KIF26B: variants seen among roughly 807,000 people sequenced by gnomAD.
KIF26B encodes the protein kinesin family member 26B, also known as kinesin-like protein KIF26B.
Under a neutral mutation model 151.2 loss-of-function variants are expected in KIF26B, and 63 were observed. The observed-to-expected ratio is 0.42, with a 90% CI of 0.34 to 0.51. The LOEUF is 0.51. KIF26B is among the 20% of genes least tolerant of loss of function. KIF26B has a pLI of 0.07. For missense variants in KIF26B, 2,813 were observed against 2,913.6 expected (o/e 0.97, Z 0.79); for synonymous variants, 1,357 against 1,262.1 (o/e 1.08, Z -1.59).
intron 5 of KIF26B, among the ~76,000 whole-genome samples, chr1:245,590,154 A>AGGGAGGCCTGCAAG: frequency 6.7e-6 from 1 of 149,508 alleles, no homozygotes; most frequent in East Asian, 2.0e-4. Context: ...CCAACGTGGC[A>AGGGAGGCCTGCAAG]GGGAGGCCTG....
intron 4 of KIF26B, among the ~76,000 whole-genome samples, chr1:245,433,513 G>T (rs572553955): frequency 6.6e-6 from 1 of 151,900 alleles, no homozygotes; most frequent in African/African-American, 2.4e-5. Flanking sequence ...AAGAAGTTAT[G>T]GGATTGTGCT....
Position 245,167,161 on chromosome 1 carries a change from G to T in KIF26B, c.465+10478G>T, listed in dbSNP as rs1271255007. On this transcript the variant is annotated intron_variant, in intron 2 of 14. Coordinates refer to ENST00000407071, the MANE Select transcript of KIF26B (RefSeq NM_018012.4). This position sits in a 1 kb window ranked among gnomAD's most constrained non-coding sequence, Gnocchi z 4.2. ...TTCTAAAATCTTTGATGGTTCTTAC[G>T]TGTAAACTTTCTTTTTATATAATTG... 6.6e-6 allele frequency among the ~76,000 whole-genome samples: 1 copy of T among 151,280 alleles called. No homozygotes were observed. Among genetic ancestry groups the T allele is most frequent in the Non-Finnish European group, 1.5e-5 (1 of 67,896 alleles).
chr1:245,690,281 C>G (rs1262439891), intron 12 of KIF26B, among the ~76,000 whole-genome samples: 1 of 152,222 alleles, frequency 6.6e-6, no homozygotes, highest in Non-Finnish European at 1.5e-5. Flanking sequence ...GCCTGTCTCT[C>G]CCCTCCCGCT....
In KIF26B at chr1:245,702,648, A is replaced by T; in HGVS notation, c.*42A>T. ...TCCTAGTGGTCCCCCGCTCCCCAGG[A>T]CTTCAGAGATGTTGCACGCCCCTAG... On this transcript the variant is annotated 3_prime_UTR_variant, in exon 15 of 15. Coordinates refer to ENST00000407071, the MANE Select transcript of KIF26B (RefSeq NM_018012.4). The surrounding 1 kb of genome is among the most constrained non-coding windows in gnomAD (Gnocchi z 4.1). The T allele has an allele frequency of 2.5e-6, 4 of 1,596,894 alleles. No homozygotes were observed. Among genetic ancestry groups the T allele is most frequent in the Non-Finnish European group, 3.4e-6 (4 of 1,170,402 alleles).
At chr1:245,348,769 C>G (rs1478678354) in intron 2 of KIF26B, among the ~76,000 whole-genome samples, 1 of 152,230 alleles carries the variant, frequency 6.6e-6, no homozygotes, top group Admixed American at 6.5e-5. Context: ...TCATCCCACT[C>G]CAGCCACGCC....
chr1:245,169,599 C>T (rs919763628), intron 2 of KIF26B, among the ~76,000 whole-genome samples: 7 of 33,152 alleles, frequency 2.1e-4, no homozygotes, highest in Non-Finnish European at 1.0e-3. Flanking sequence ...GATGGCTTTA[C>T]AAGCATTTTT....
intron 2 of KIF26B, among the ~76,000 whole-genome samples, chr1:245,255,111 G>GCCT (rs1558363638): frequency 6.6e-6 from 1 of 152,112 alleles, no homozygotes; most frequent in African/African-American, 2.4e-5. Flanking sequence ...GATGAGGTTA[G>GCCT]CCTCCTTCTC....
intron 3 of KIF26B, among the ~76,000 whole-genome samples, chr1:245,368,937 C>T (rs1673028088): frequency 6.6e-6 from 1 of 152,026 alleles, no homozygotes; most frequent in South Asian, 2.1e-4. Flanking sequence ...GAGTTGAAGA[C>T]CAGCCTGGGC....
At chr1:245,677,622 C>T (rs755041482) in intron 10 of KIF26B, among the ~76,000 whole-genome samples, 4 of 152,224 alleles carry the variant, frequency 2.6e-5, no homozygotes, top group Non-Finnish European at 5.9e-5. Flanking sequence ...CATTAGCATC[C>T]TTGAAGGGAA....
chr1:245,175,676 C>G (rs988031416), intron 2 of KIF26B, among the ~76,000 whole-genome samples: 2 of 152,060 alleles, frequency 1.3e-5, no homozygotes, highest in Admixed American at 1.3e-4. Flanking sequence ...TAAGTCCACA[C>G]ATGATTAAAA....
intron 2 of KIF26B, among the ~76,000 whole-genome samples, chr1:245,196,167 C>T (rs1250344784): frequency 6.6e-6 from 1 of 152,190 alleles, no homozygotes; most frequent in Non-Finnish European, 1.5e-5. Flanking sequence ...CCCCGTTTAA[C>T]AAGACCACTA....
chr1:245,639,163 C>T (rs1377703290), intron 9 of KIF26B, among the ~76,000 whole-genome samples: 1 of 151,666 alleles, frequency 6.6e-6, no homozygotes, highest in Non-Finnish European at 1.5e-5. Flanking sequence ...TTGTTATTGG[C>T]CTATTCAGGT....
chr1:245,527,924 T>C (rs753037797), intron 4 of KIF26B, among the ~76,000 whole-genome samples: 1 of 152,018 alleles, frequency 6.6e-6, no homozygotes, highest in Admixed American at 6.6e-5. Context: ...GTTTCCATAA[T>C]TGCATACTAG....
At chr1:245,596,018 T>C (rs951878208) in intron 5 of KIF26B, among the ~76,000 whole-genome samples, 2 of 152,232 alleles carry the variant, frequency 1.3e-5, no homozygotes, top group Admixed American at 6.5e-5. Flanking sequence ...ATCCCCTTTA[T>C]CATTTTTTAT....
chr1:245,628,765 A>G (rs906190373), intron 9 of KIF26B, among the ~76,000 whole-genome samples: 1 of 152,162 alleles, frequency 6.6e-6, no homozygotes, highest in Non-Finnish European at 1.5e-5. Context: ...ATCAGACAAG[A>G]GGAAGAAATA....
intron 3 of KIF26B, among the ~76,000 whole-genome samples, chr1:245,398,947 C>G (rs1481806809): frequency 6.6e-6 from 1 of 152,120 alleles, no homozygotes; most frequent in East Asian, 1.9e-4. Flanking sequence ...TATCCTGAAG[C>G]TCTTCGATGC....
At position 245,625,139 on chromosome 1, in the gene KIF26B, T is replaced by A. The variant is rs558416256; in HGVS notation, c.2098+13163T>A. ...ATCTATTTGTCTATCTTTACACCAA[T>A]ACCACACTGTTTTGATTATGGTGGA... is the stretch of plus-strand genomic sequence containing the variant. On this transcript the variant is annotated intron_variant, in intron 9 of 14. Transcript: ENST00000407071. Among the ~76,000 whole-genome samples the A allele has an allele frequency of 4.6e-5, 7 of 152,338 alleles. No individual in the cohort carries two copies. The South Asian group carries it at 1.5e-3, about 32-fold the overall frequency.
chr1:245,472,616 A>T (rs1161777388), intron 4 of KIF26B, among the ~76,000 whole-genome samples: 5 of 152,228 alleles, frequency 3.3e-5, no homozygotes, highest in Admixed American at 6.5e-5. Context: ...TGCTAACAAT[A>T]GTGATCTTAT....
chr1:245,248,326 C>T (rs570287400), intron 2 of KIF26B, among the ~76,000 whole-genome samples: 3 of 152,306 alleles, frequency 2.0e-5, no homozygotes, highest in Non-Finnish European at 4.4e-5. Flanking sequence ...TCACTGAGGG[C>T]GCCTGGCATG....
Sources: gnomAD v4.1 joint callset for allele counts (sites outside exome capture counted in the v4.1 genomes callset) on GRCh38, gnomAD v4.1.1 for gene constraint, Gnocchi (gnomAD v3.1) non-coding constraint, MANE v1.5 for transcripts, NCBI Gene and HGNC (gene_info 2026-07-23, HGNC 2026-07-21) for gene names.